Variants in RIMS1 observed in about 807,000 individuals in gnomAD.
The protein encoded by RIMS1 is regulating synaptic membrane exocytosis 1.
Under a neutral mutation model 214.1 loss-of-function variants are expected in RIMS1, and 83 were observed. The ratio of observed to expected loss-of-function variants is 0.39; its 90% CI spans 0.32 to 0.47. The LOEUF is 0.47. Ranked by LOEUF, RIMS1 falls within the 20% of genes least tolerant of loss-of-function variation. The probability of loss-of-function intolerance (pLI) is 0.99; values close to 1 mark genes in which losing one functional copy is unlikely to be tolerated. For synonymous variants in RIMS1, 793 were observed against 786.8 expected (o/e 1.01, Z -0.13); for missense variants, 2,050 against 2,161.8 (o/e 0.95, Z 1.03).
intron 30 of RIMS1, 95 bp downstream of exon 30, chr6:72,390,831 C>T: frequency 7.0e-7 from 1 of 1,434,980 alleles, no homozygotes; most frequent in Non-Finnish European, 9.5e-7. Context: ...TGTGCAGCTT[C>T]TCTATTTAAT....
intron 2 of RIMS1, among the ~76,000 whole-genome samples, chr6:72,011,081 C>T (rs1235324590): frequency 6.6e-6 from 1 of 152,164 alleles, no homozygotes; most frequent in Non-Finnish European, 1.5e-5. Flanking sequence ...TCAGACTATA[C>T]TTCAAGGCTG....
intron 2 of RIMS1, among the ~76,000 whole-genome samples, chr6:72,038,956 A>G (rs897641198): frequency 1.3e-5 from 2 of 152,038 alleles, no homozygotes; most frequent in African/African-American, 4.8e-5. Flanking sequence ...CTCCTGATGT[A>G]TTTACGGTTT....
At chr6:72,212,696 C>T (rs546633932) in intron 6 of RIMS1, 25 of 493,464 alleles carry the variant, frequency 5.1e-5, no homozygotes, top group African/African-American at 4.3e-4. Flanking sequence ...GTAATTTGGG[C>T]GATAAGTAAA....
Position 72,274,353 on chromosome 6 carries a change from A to G in RIMS1, c.3403A>G (p.Arg1135Gly), listed in dbSNP as rs2085046680. ...TCTTGTTCACTGGGCAAACAGGGGT[A>G]GATGGTCCCCCTCCCTAGATAGGAG... is the stretch of plus-strand genomic sequence containing the variant. ...SLHSPERERGRWSPSLDRRRP... is the reference protein window; with the variant it reads ...SLHSPERERGGWSPSLDRRRP... The change falls in exon 23 of 34, where the codon AGA (arginine) becomes GGA (glycine). Residue 1135 changes from arginine to glycine, a missense_variant. Physicochemically the swap from Arg to Gly is moderately radical, Grantham distance 125. Around this residue, in one of 6 missense-constraint regions of RIMS1, gnomAD observed 889 missense variants for 885.5 expected, o/e 1.00. Coordinates refer to ENST00000521978, the MANE Select transcript of RIMS1 (RefSeq NM_014989.7). 6.2e-7 allele frequency: 1 copy of G among 1,610,366 alleles called. No individual in the cohort carries two copies. The highest frequency in any genetic ancestry group is 1.7e-5 in the Admixed American group (1 of 59,970).
intron 2 of RIMS1, among the ~76,000 whole-genome samples, chr6:72,031,597 T>G (rs371301710): frequency 6.6e-6 from 1 of 152,126 alleles, no homozygotes; most frequent in African/African-American, 2.4e-5. Context: ...AAATTTCATA[T>G]GAGTAAACAC....
At position 72,168,152 on chromosome 6, in the gene RIMS1, T is replaced by A. The variant is rs186092625; in HGVS notation, c.472-11423T>A. 1.6e-4 allele frequency among the ~76,000 whole-genome samples: 24 copies of A among 152,260 alleles called. 1 individual carries two copies. The East Asian group carries it at 4.1e-3, about 26-fold the overall frequency. On this transcript the variant is annotated intron_variant, in intron 4 of 33. Transcript: ENST00000521978. ...GAGTCATTGTGTTCCAGAATCAGAA[T>A]TAAGAAGATTTGATGAAAGATTGGG... is the stretch of plus-strand genomic sequence containing the variant.
intron 4 of RIMS1, among the ~76,000 whole-genome samples, chr6:72,169,366 C>T (rs188873716): frequency 1.3e-5 from 2 of 152,210 alleles, no homozygotes; most frequent in African/African-American, 2.4e-5. Context: ...GAAAACTTTA[C>T]ATCTTTCATG....
chr6:72,363,618 T>C (rs1343896308), intron 29 of RIMS1, among the ~76,000 whole-genome samples: 1 of 152,222 alleles, frequency 6.6e-6, no homozygotes, highest in Non-Finnish European at 1.5e-5. Flanking sequence ...ACAATGACTC[T>C]TTTTTAAAAA....
chr6:72,066,250 C>T (rs573670103), intron 2 of RIMS1, among the ~76,000 whole-genome samples: 2 of 152,288 alleles, frequency 1.3e-5, no homozygotes, highest in South Asian at 4.1e-4. Context: ...TTAGAGTTTT[C>T]AGTTTTCTTC....
chr6:71,922,338 G>A (rs1461572478), intron 1 of RIMS1, among the ~76,000 whole-genome samples: 1 of 151,956 alleles, frequency 6.6e-6, no homozygotes, highest in East Asian at 1.9e-4. Context: ...CTCATCTCCT[G>A]GTAACTCTAT....
intron 29 of RIMS1, among the ~76,000 whole-genome samples, chr6:72,384,089 T>C (rs1395435694): frequency 6.6e-6 from 1 of 152,196 alleles, no homozygotes; most frequent in Non-Finnish European, 1.5e-5. Flanking sequence ...ACTGCTTTGA[T>C]TGGAAGATGA....
intron 31 of RIMS1, 32 bp downstream of exon 31, chr6:72,392,842 T>A: frequency 7.0e-7 from 1 of 1,426,570 alleles, no homozygotes; most frequent in Non-Finnish European, 9.8e-7. Context: ...TACAAGAAAA[T>A]TGATGTTTTG....
intron 4 of RIMS1, among the ~76,000 whole-genome samples, chr6:72,159,998 G>A (rs1378041853): frequency 7.4e-6 from 1 of 135,662 alleles, no homozygotes; most frequent in Non-Finnish European, 1.7e-5. Context: ...CCATTTTCAC[G>A]ATATTGATTC....
chr6:72,392,046 T>G (rs1276412786), intron 30 of RIMS1, among the ~76,000 whole-genome samples: 1 of 152,216 alleles, frequency 6.6e-6, no homozygotes, highest in Non-Finnish European at 1.5e-5. Context: ...CAAAAAATGC[T>G]TATTGAATGC....
intron 29 of RIMS1, among the ~76,000 whole-genome samples, chr6:72,334,636 T>A (rs1030110723): frequency 2.6e-5 from 4 of 152,054 alleles, no homozygotes; most frequent in African/African-American, 7.2e-5. Context: ...AACTGTTTTT[T>A]CTCTTAAAAC....
intron 2 of RIMS1, among the ~76,000 whole-genome samples, chr6:72,032,134 G>A (rs1228357482): frequency 6.6e-6 from 1 of 152,020 alleles, no homozygotes; most frequent in East Asian, 1.9e-4. Context: ...AGAGGTGTGT[G>A]TGTGTAGGGG....
chr6:72,014,371 G>A (rs556994456), intron 2 of RIMS1, among the ~76,000 whole-genome samples: 4 of 152,310 alleles, frequency 2.6e-5, no homozygotes, highest in Non-Finnish European at 4.4e-5. Flanking sequence ...GTGGGACACC[G>A]CCAAACCATA....
intron 1 of RIMS1, among the ~76,000 whole-genome samples, chr6:71,889,788 G>GA (rs1769046027): frequency 6.6e-6 from 1 of 152,200 alleles, no homozygotes; most frequent in East Asian, 1.9e-4. Context: ...AAATAGATTG[G>GA]AAAACAGGAT....
intron 26 of RIMS1, among the ~76,000 whole-genome samples, chr6:72,304,579 CATTTT>C (rs1157783326): frequency 6.6e-6 from 1 of 151,758 alleles, no homozygotes; most frequent in Admixed American, 6.6e-5. Context: ...GAAATAATGT[CATTTT>C]ATTCTAGATA....
Sources: allele counts gnomAD v4.1 joint callset (sites outside exome capture counted in the v4.1 genomes callset), GRCh38; gene constraint gnomAD v4.1.1; regional missense constraint gnomAD v4.1.1; transcripts MANE v1.5; gene names NCBI Gene and HGNC (gene_info 2026-07-23, HGNC 2026-07-21).